TMEM129: variants seen among roughly 807,000 people sequenced by gnomAD.
TMEM129 encodes the protein E3 ubiquitin-protein ligase TM129.
TMEM129 carries 35 observed loss-of-function variants against 34.1 expected under a neutral mutation model. The ratio of observed to expected loss-of-function variants is 1.03; its 90% CI spans 0.78 to 1.36. TMEM129 has a LOEUF of 1.36. Ranked by LOEUF, TMEM129 falls within the 40% of genes most tolerant of loss-of-function variation. The pLI is 0.00. For synonymous variants in TMEM129, 239 were observed against 217.3 expected (o/e 1.10, Z -0.88); for missense variants, 504 against 512.6 (o/e 0.98, Z 0.16).
At chr4:1,718,850 C>G in intron 1 of TMEM129, 2 of 1,393,124 alleles carry the variant, frequency 1.4e-6, no homozygotes, top group African/African-American at 1.4e-5. Context: ...TAGTTTCACA[C>G]AATACGTAAG....
In TMEM129 at chr4:1,718,602, G is replaced by C; in HGVS notation, c.230C>G (p.Ala77Gly). The C allele has an allele frequency of 6.9e-7, 1 of 1,458,830 alleles. No individual in the cohort carries two copies. Among genetic ancestry groups the C allele is most frequent in the Non-Finnish European group, 9.1e-7 (1 of 1,104,578 alleles). 90.4% of individuals were successfully genotyped at this position (1,458,830 alleles called of 1,614,324 possible). A position where few individuals can be genotyped will look rare whatever the true frequency, so the allele number is the denominator to read the frequency against. The part of the protein sequence containing the change: ...PLGYYVGMCL[A>G]ASEKRLHALS... ...GGCGTGGAGCCGCTTTTCTGAAGCC[G>C]CAAGGCACATGCCCACATAGTAGCC... Residue 77 changes from alanine (A) to glycine (G), a missense_variant, in exon 2 of 4, where the codon GCG (alanine) becomes GGG (glycine). By Grantham distance (60) the Ala-to-Gly change is moderately conservative. Coordinates refer to ENST00000382936, the MANE Select transcript of TMEM129 (RefSeq NM_001127266.2).
At chr4:1,718,923 C>G (rs1222985236) in intron 1 of TMEM129, 1 of 1,273,316 alleles carries the variant, frequency 7.9e-7, no homozygotes, top group Non-Finnish European at 1.0e-6. Flanking sequence ...TCACCTCAGG[C>G]AGAGCTGACC....
chr4:1,720,567 T>G lies in TMEM129; in HGVS notation c.205+66A>C, dbSNP rs999534290. On this transcript the variant is annotated intron_variant, in intron 1 of 3. Transcript: ENST00000382936. The surrounding 1 kb of genome is among the most constrained non-coding windows in gnomAD (Gnocchi z 4.4). ...GGGCCTCGGGGAGCTGGCGGAGGCC[T>G]CCTCCTGACCTCCCAGCAAGCCCTG... 6 of 1,474,542 alleles carry G rather than the reference T, an allele frequency of 4.1e-6. No homozygotes were observed. In the African/African-American group the frequency reaches 7.1e-5, roughly 17 times the overall value. The allele number at this position is 1,474,542 out of a possible 1,614,324, so 91.3% of individuals were successfully genotyped here. A position where few individuals can be genotyped will look rare whatever the true frequency, so the allele number is the denominator to read the frequency against.
chr4:1,720,574 G>C lies in TMEM129; in HGVS notation c.205+59C>G. 1.3e-6 allele frequency: 2 copies of C among 1,493,578 alleles called. No individual in the cohort carries two copies. The highest frequency in any genetic ancestry group is 1.8e-6 in the Non-Finnish European group (2 of 1,123,172). The allele number at this position is 1,493,578 out of a possible 1,614,324, so 92.5% of individuals were successfully genotyped here. A position where few individuals can be genotyped will look rare whatever the true frequency, so the allele number is the denominator to read the frequency against. On this transcript the variant is annotated intron_variant, in intron 1 of 3. Transcript: ENST00000382936. The surrounding 1 kb of genome is among the most constrained non-coding windows in gnomAD (Gnocchi z 4.4). ...GGGGAGCTGGCGGAGGCCTCCTCCT[G>C]ACCTCCCAGCAAGCCCTGCGCAGGA...
In TMEM129 at chr4:1,720,916, T is replaced by C. The variant is rs1016233695; in HGVS notation, c.-79A>G. The stretch of plus-strand genomic sequence containing the variant: ...AGGCCGCAGCGCCCAGTCCCGGACC[T>C]GTCGGTTGCGGCGGCCGCCGCCCGG... On this transcript the variant is annotated 5_prime_UTR_variant, in exon 1 of 4. Coordinates refer to ENST00000382936, the MANE Select transcript of TMEM129 (RefSeq NM_001127266.2). The surrounding 1 kb of genome is among the most constrained non-coding windows in gnomAD (Gnocchi z 4.4). The C allele has an allele frequency of 8.3e-6, 10 of 1,209,050 alleles. No homozygotes were observed. The highest frequency in any genetic ancestry group is 1.6e-5 in the African/African-American group (1 of 61,266). The allele number at this position is 1,209,050 out of a possible 1,614,324, so 74.9% of individuals were successfully genotyped here.
At position 1,720,785 on chromosome 4, in the gene TMEM129, C is replaced by T. The variant is rs768681208; in HGVS notation, c.53G>A (p.Cys18Tyr). The T allele has an allele frequency of 6.3e-7, 1 of 1,595,424 alleles. No homozygotes were observed. The highest frequency in any genetic ancestry group is 2.3e-5 in the East Asian group (1 of 43,364). Residue 18 changes from cysteine (C) to tyrosine (Y), a missense_variant, in exon 1 of 4, where the codon TGC becomes TAC. Transcript: ENST00000382936. This position sits in a 1 kb window ranked among gnomAD's most constrained non-coding sequence, Gnocchi z 4.4. ...FTLAYLVFAV[C>Y]FVFTPNEFHA... is the part of the protein sequence containing the mutation. ...GAACTCGTTGGGCGTGAACACGAAG[C>T]ACACGGCGAACACCAGATAGGCGAG...
At position 1,720,555 on chromosome 4, in the gene TMEM129, C is replaced by G; in HGVS notation, c.205+78G>C. The G allele has an allele frequency of 6.9e-7, 1 of 1,449,430 alleles. No individual in the cohort carries two copies. Among genetic ancestry groups the G allele is most frequent in the Non-Finnish European group, 9.1e-7 (1 of 1,097,246 alleles). 89.8% of individuals were successfully genotyped at this position (1,449,430 alleles called of 1,614,324 possible). On this transcript the variant is annotated intron_variant, in intron 1 of 3. Transcript: ENST00000382936. The surrounding 1 kb of genome is among the most constrained non-coding windows in gnomAD (Gnocchi z 4.4). Reference sequence around the variant, plus strand: ...CAGGCGCTTTCGGGGCCTCGGGGAGCTGGCGGAGGCCTCCTCCTGACCTCC... The same window carrying G: ...CAGGCGCTTTCGGGGCCTCGGGGAGGTGGCGGAGGCCTCCTCCTGACCTCC...
chr4:1,717,811 G>A, intron 2 of TMEM129, 136 bp from the exon 3 acceptor site: 2 of 1,284,126 alleles, frequency 1.6e-6, no homozygotes, highest in East Asian at 2.6e-5. Flanking sequence ...AGAGCCCACG[G>A]ACCCAGTGCC....
At position 1,720,812 on chromosome 4, in the gene TMEM129, G is replaced by C. The variant is rs762708316; in HGVS notation, c.26C>G (p.Thr9Ser). 1 of 1,593,308 alleles carries C rather than the reference G, an allele frequency of 6.3e-7. No individual in the cohort carries two copies. Among genetic ancestry groups the C allele is most frequent in the Non-Finnish European group, 8.5e-7 (1 of 1,171,246 alleles). MDSPEVTF[T>S]LAYLVFAVCF... is the part of the protein sequence containing the mutation. ...CACGGCGAACACCAGATAGGCGAGA[G>C]TGAAGGTCACCTCGGGGCTGTCCAT... Residue 9 changes from threonine (T) to serine (S), a missense_variant, in exon 1 of 4, where the codon ACT (threonine) becomes AGT (serine). Physicochemically the swap from Thr to Ser is moderately conservative, Grantham distance 58 (BLOSUM62 1). Transcript: ENST00000382936. The surrounding 1 kb of genome is among the most constrained non-coding windows in gnomAD (Gnocchi z 4.4).
Position 1,716,905 on chromosome 4 carries a change from C to T in TMEM129, c.*275G>A. 2.6e-6 allele frequency: 1 copy of T among 390,010 alleles called. No individual in the cohort carries two copies. The highest frequency in any genetic ancestry group is 1.2e-4 in the South Asian group (1 of 8,208). The allele number at this position is 390,010 out of a possible 1,614,324, so 24.2% of individuals were successfully genotyped here. ...GGGGCAGACGCTGTGTCTGTGTGTG[C>T]AGGATCTGCCCCCACCAGCAGGAAA... is the stretch of plus-strand genomic sequence containing the variant. On this transcript the variant is annotated 3_prime_UTR_variant, in exon 4 of 4. Coordinates refer to ENST00000382936, the MANE Select transcript of TMEM129 (RefSeq NM_001127266.2).
Position 1,718,482 on chromosome 4 carries a change from TCACGGGACCAGTA to T in TMEM129, c.337_349del (p.Tyr113ThrfsTer48), listed in dbSNP as rs1717100295. The T allele has an allele frequency of 1.3e-6, 2 of 1,551,332 alleles. No individual in the cohort carries two copies. The highest frequency in any genetic ancestry group is 2.7e-5 in the African/African-American group (2 of 73,286). On this transcript the variant is annotated frameshift_variant, in exon 2 of 4. Transcript: ENST00000382936. LOFTEE classifies it high-confidence loss of function. ...CGCCAGTGGGTGGCAGGCCCACCGG[TCACGGGACCAGTA>T]GTAGATCAGGATGCAGGCGATGGAG...
rs1046784457 is a variant in TMEM129 at position 1,719,836 on chromosome 4, C to T, written c.205+797G>A. ...TGAGGCAGGCCTGGGCGCCTCCACC[C>T]GACACCTGCCTCCAGTTCTTCTGGG... On this transcript the variant is annotated intron_variant, in intron 1 of 3. Coordinates refer to ENST00000382936, the MANE Select transcript of TMEM129 (RefSeq NM_001127266.2). Among the ~76,000 whole-genome samples, 9 of 152,338 alleles carry T rather than the reference C, an allele frequency of 5.9e-5. No homozygotes were observed. The South Asian group carries it at 8.3e-4, about 14-fold the overall frequency.
Position 1,719,169 on chromosome 4 carries a change from T to C in TMEM129, c.206-543A>G, listed in dbSNP as rs1319486707. 4.4e-6 allele frequency: 3 copies of C among 687,744 alleles called. No homozygotes were observed. The Admixed American group carries it at 7.0e-5, about 16-fold the overall frequency. 42.6% of individuals were successfully genotyped at this position (687,744 alleles called of 1,614,324 possible). A position where few individuals can be genotyped will look rare whatever the true frequency, so the allele number is the denominator to read the frequency against. The stretch of plus-strand genomic sequence containing the variant: ...ATAAGCCATGGAGATGGTGAGGAGT[T>C]GCACCAGCAGGTTCCAGTTGGCAAA... On this transcript the variant is annotated intron_variant, in intron 1 of 3. Transcript: ENST00000382936.
intron 1 of TMEM129, 49 bp from the exon 2 acceptor site, chr4:1,718,675 G>T (rs980407021): frequency 7.0e-7 from 1 of 1,435,060 alleles, no homozygotes; most frequent in South Asian, 1.5e-5. Context: ...GCAGGCCGCT[G>T]TCCACCCCCC....
intron 1 of TMEM129, chr4:1,719,358 G>A: frequency 5.3e-6 from 2 of 379,802 alleles, no homozygotes; most frequent in Non-Finnish European, 1.1e-5. Flanking sequence ...AGACCATCCT[G>A]GCTAACACGG....
Position 1,720,646 on chromosome 4 carries a change from CG to C in TMEM129, c.191del (p.Ser64CysfsTer38). 6.5e-7 allele frequency: 1 copy of C among 1,542,916 alleles called. No homozygotes were observed. Among genetic ancestry groups the C allele is most frequent in the Non-Finnish European group, 8.7e-7 (1 of 1,145,852 alleles). On this transcript the variant is annotated frameshift_variant, in exon 1 of 4. Transcript: ENST00000382936. LOFTEE classifies it high-confidence loss of function. This position sits in a 1 kb window ranked among gnomAD's most constrained non-coding sequence, Gnocchi z 4.4. ...RRTAATLLCH[S>X]LLPLGYYVGM... ...GAGCAGCCTCACCGAGCGGCAGCAG[CG>C]AGTGGCACAACAGCGTGGCGGCCGT...
Position 1,717,071 on chromosome 4 carries a change from A to C in TMEM129, c.*109T>G. ...CCAGGGCAGAGGCGAGTTGCTCTAC[A>C]TCATGTGCTTTAAGTAGAGCCCTTT... On this transcript the variant is annotated 3_prime_UTR_variant, in exon 4 of 4. Coordinates refer to ENST00000382936, the MANE Select transcript of TMEM129 (RefSeq NM_001127266.2). 7.7e-7 allele frequency: 1 copy of C among 1,307,052 alleles called. No homozygotes were observed. Among genetic ancestry groups the C allele is most frequent in the Non-Finnish European group, 9.8e-7 (1 of 1,016,086 alleles). The allele number at this position is 1,307,052 out of a possible 1,614,324, so 81.0% of individuals were successfully genotyped here. A position where few individuals can be genotyped will look rare whatever the true frequency, so the allele number is the denominator to read the frequency against.
rs759083082 is a variant in TMEM129 at position 1,718,527 on chromosome 4, G to C, written c.305C>G (p.Thr102Ser). The change falls in exon 2 of 4, where the codon ACC becomes AGC. Residue 102 changes from threonine (T) to serine (S), a missense_variant. By Grantham distance (58) the Thr-to-Ser change is moderately conservative. Coordinates refer to ENST00000382936, the MANE Select transcript of TMEM129 (RefSeq NM_001127266.2). Reference protein sequence around the residue: ...AWRLFLLLAVTLPSIACILIY... With the variant: ...AWRLFLLLAVSLPSIACILIY... ...CAGGATGCAGGCGATGGAGGGGAGG[G>C]TCACGGCCAGCAGCAGGAAGAGCCG... 4.6e-6 allele frequency: 7 copies of C among 1,522,364 alleles called. No individual in the cohort carries two copies. The highest frequency in any genetic ancestry group is 6.2e-6 in the Non-Finnish European group (7 of 1,129,164). 94.3% of individuals were successfully genotyped at this position (1,522,364 alleles called of 1,614,324 possible). A position where few individuals can be genotyped will look rare whatever the true frequency, so the allele number is the denominator to read the frequency against.
Position 1,717,260 on chromosome 4 carries a change from C to T in TMEM129, c.1009G>A (p.Asp337Asn). Residue 337 changes from aspartate (D) to asparagine (N), a missense_variant, in exon 4 of 4, where the codon GAC (aspartate) becomes AAC (asparagine). Asp to Asn is a conservative substitution (Grantham distance 23). Coordinates refer to ENST00000382936, the MANE Select transcript of TMEM129 (RefSeq NM_001127266.2). ...FASRQDPLRP[D>N]TWLASRVPCP... ...GGCACGCGGCTGGCCAGCCAGGTGT[C>T]AGGGCGCAGGGGGTCCTGGCGGCTG... 6.6e-7 allele frequency: 1 copy of T among 1,523,510 alleles called. No individual in the cohort carries two copies. The highest frequency in any genetic ancestry group is 8.8e-7 in the Non-Finnish European group (1 of 1,130,098). The allele number at this position is 1,523,510 out of a possible 1,614,324, so 94.4% of individuals were successfully genotyped here.
Sources: allele counts gnomAD v4.1 joint callset (sites outside exome capture counted in the v4.1 genomes callset), GRCh38; gene constraint gnomAD v4.1.1; non-coding constraint Gnocchi (gnomAD v3.1); transcripts MANE v1.5; gene names NCBI Gene and HGNC (gene_info 2026-07-23, HGNC 2026-07-21).